GRB10: variants seen among roughly 807,000 people sequenced by gnomAD.
GRB10 encodes the protein growth factor receptor bound protein 10, also known as growth factor receptor-bound protein 10.
Under a neutral mutation model 80.9 loss-of-function variants are expected in GRB10, and 20 were observed. The ratio of observed to expected loss-of-function variants is 0.25; its 90% confidence interval spans 0.17 to 0.36. The LOEUF (loss-of-function observed/expected upper bound fraction) is 0.36. GRB10 is among the 10% of genes least tolerant of loss of function. GRB10 has a pLI of 1.00. For synonymous variants in GRB10, 291 were observed against 291.5 expected, an observed-to-expected ratio of 1.00 and a Z score of 0.02; for missense variants, 548 against 747.7, an observed-to-expected ratio of 0.73 and a Z score of 3.12.
At chr7:50,748,648 A>C (rs1322133640) in intron 3 of GRB10, among the ~76,000 whole-genome samples, 2 of 152,150 alleles carry the variant, frequency 1.3e-5, no homozygotes, top group African/African-American at 4.8e-5. Flanking sequence ...CCCGAGTGTC[A>C]CTGAGGAGGA....
At position 50,755,937 on chromosome 7, in the gene GRB10, T is replaced by C. The variant is rs1386109779; in HGVS notation, c.-97A>G. 114 of 398,802 alleles carry C rather than the reference T, an allele frequency of 2.9e-4. No individual in the cohort carries two copies. The highest frequency in any genetic ancestry group is 1.4e-4 in the Non-Finnish European group (31 of 226,234). The allele number at this position is 398,802 out of a possible 1,614,324, so 24.7% of individuals were successfully genotyped here. ...TGTCTGCTGGGGCGGCCACCCTGGC[T>C]TCACTGAGAGGACCCAGGTGAGGAC... On this transcript the variant is annotated 5_prime_UTR_variant, in exon 3 of 19. Coordinates refer to ENST00000401949, the MANE Select transcript of GRB10 (RefSeq NM_001350814.2).
intron 2 of GRB10, among the ~76,000 whole-genome samples, chr7:50,768,394 C>T (rs1357175598): frequency 1.3e-5 from 2 of 152,206 alleles, no homozygotes; most frequent in East Asian, 3.8e-4. Flanking sequence ...ATTAAGACTT[C>T]AATTGCCCTA....
At chr7:50,664,858 C>A (rs1040960713) in intron 7 of GRB10, among the ~76,000 whole-genome samples, 1 of 152,204 alleles carries the variant, frequency 6.6e-6, no homozygotes, top group African/African-American at 2.4e-5. Flanking sequence ...GTTAAAAATA[C>A]CCTGTTGATT....
chr7:50,696,361 C>T (rs1255339119), intron 5 of GRB10, among the ~76,000 whole-genome samples: 2 of 152,194 alleles, frequency 1.3e-5, no homozygotes, highest in African/African-American at 4.8e-5. Context: ...TTTACAGACG[C>T]CTCTTTCCAG....
At chr7:50,712,272 T>G (rs181028198) in intron 4 of GRB10, among the ~76,000 whole-genome samples, 1 of 152,310 alleles carries the variant, frequency 6.6e-6, no homozygotes, top group Admixed American at 6.5e-5. Context: ...GATATTACAC[T>G]TTAGGTCTAT....
intron 7 of GRB10, among the ~76,000 whole-genome samples, chr7:50,634,363 G>A (rs1014418118): frequency 6.6e-6 from 1 of 152,064 alleles, no homozygotes; most frequent in Admixed American, 6.5e-5. Flanking sequence ...GCCACTACTA[G>A]ACAAATCCTA....
At chr7:50,605,633 T>C (rs2048392672) in intron 14 of GRB10, among the ~76,000 whole-genome samples, 1 of 152,182 alleles carries the variant, frequency 6.6e-6, no homozygotes, top group Non-Finnish European at 1.5e-5. Context: ...TCCCTGAGTA[T>C]TAAAAAGGCT....
At chr7:50,701,976 T>A (rs534629364) in intron 5 of GRB10, among the ~76,000 whole-genome samples, 1 of 152,364 alleles carries the variant, frequency 6.6e-6, no homozygotes, top group South Asian at 2.1e-4. Context: ...ACCATATTTC[T>A]TAGTATGGGA....
intron 3 of GRB10, among the ~76,000 whole-genome samples, chr7:50,734,589 GTTC>G (rs1295270518): frequency 6.6e-6 from 1 of 152,204 alleles, no homozygotes; most frequent in Admixed American, 6.5e-5. Flanking sequence ...ATAGAAATAT[GTTC>G]TTATTTTCTC....
At chr7:50,722,177 C>T (rs974437551) in intron 4 of GRB10, among the ~76,000 whole-genome samples, 3 of 152,258 alleles carry the variant, frequency 2.0e-5, no homozygotes, top group South Asian at 2.1e-4. Context: ...AGCTGAGCCC[C>T]GAACCCTTAA....
intron 4 of GRB10, among the ~76,000 whole-genome samples, chr7:50,729,992 C>T (rs1235033444): frequency 5.9e-5 from 9 of 152,080 alleles, no homozygotes; most frequent in Non-Finnish European, 1.5e-5. Context: ...TGACCAGGCG[C>T]CGGGTAATTT....
chr7:50,729,611 T>C (rs1232943457), intron 4 of GRB10, among the ~76,000 whole-genome samples: 1 of 152,158 alleles, frequency 6.6e-6, no homozygotes, highest in African/African-American at 2.4e-5. Flanking sequence ...AGACCCTGTG[T>C]TCGGCAAAGC....
intron 7 of GRB10, among the ~76,000 whole-genome samples, chr7:50,629,528 ACT>A (rs1166823892): frequency 2.0e-5 from 3 of 151,844 alleles, no homozygotes; most frequent in Non-Finnish European, 4.4e-5. Context: ...CTGACACAGC[ACT>A]CTCTGGTACT....
chr7:50,635,223 T>A (rs755791655), intron 7 of GRB10, among the ~76,000 whole-genome samples: 3 of 152,038 alleles, frequency 2.0e-5, no homozygotes, highest in Non-Finnish European at 4.4e-5. Flanking sequence ...ATCAATACCA[T>A]AAGGAACTCT....
intron 4 of GRB10, among the ~76,000 whole-genome samples, chr7:50,710,109 G>A (rs1587265685): frequency 6.6e-6 from 1 of 151,982 alleles, no homozygotes. Context: ...CAACCCCAAC[G>A]AAAAGTCTAC....
intron 4 of GRB10, among the ~76,000 whole-genome samples, chr7:50,709,873 A>G (rs1459814130): frequency 6.6e-6 from 1 of 152,076 alleles, no homozygotes; most frequent in Non-Finnish European, 1.5e-5. Context: ...TGGGGGACCC[A>G]GGTGTCTATG....
At position 50,592,679 on chromosome 7, in the gene GRB10, G is replaced by C; in HGVS notation, c.*273C>G. 2 of 511,586 alleles carry C rather than the reference G, an allele frequency of 3.9e-6. No individual in the cohort carries two copies. The highest frequency in any genetic ancestry group is 7.1e-6 in the Non-Finnish European group (2 of 280,976). The allele number at this position is 511,586 out of a possible 1,614,324, so 31.7% of individuals were successfully genotyped here. A position where few individuals can be genotyped will look rare whatever the true frequency, so the allele number is the denominator to read the frequency against. ...GTTCCTAAGCGGCCCAAGCCAAGAT[G>C]ATCATTCCAGTTTATTTTCAACTTT... On this transcript the variant is annotated 3_prime_UTR_variant, in exon 19 of 19. Transcript: ENST00000401949.
chr7:50,762,700 C>CTTACAAGTAAG (rs2075892353), intron 2 of GRB10, among the ~76,000 whole-genome samples: 1 of 152,130 alleles, frequency 6.6e-6, no homozygotes. Flanking sequence ...AGAGATAGTA[C>CTTACAAGTAAG]AGAAGAAAAA....
chr7:50,615,592 A>G (rs973584958), intron 11 of GRB10, among the ~76,000 whole-genome samples: 1 of 152,150 alleles, frequency 6.6e-6, no homozygotes, highest in African/African-American at 2.4e-5. Context: ...TGCTGGCCAG[A>G]GCAAAAGAGA....
Sources: allele counts gnomAD v4.1 joint callset (sites outside exome capture counted in the v4.1 genomes callset), GRCh38; gene constraint gnomAD v4.1.1; transcripts MANE v1.5; gene names NCBI Gene and HGNC (gene_info 2026-07-23, HGNC 2026-07-21).